PRKG1: variants seen among roughly 807,000 people sequenced by gnomAD.
The protein encoded by PRKG1 is cGMP-dependent protein kinase 1.
Under a neutral mutation model 88.1 loss-of-function variants are expected in PRKG1, and 35 were observed. The observed-to-expected ratio is 0.40, with a 90% CI of 0.30 to 0.53. PRKG1 has a LOEUF of 0.53. Among genes scored for constraint, PRKG1 ranks in the 20% least tolerant of loss-of-function variants. The probability of loss-of-function intolerance (pLI) is 0.59; values close to 1 mark genes in which losing one functional copy is unlikely to be tolerated. For missense variants in PRKG1, 540 were observed against 839.8 expected, an observed-to-expected ratio of 0.64 and a Z score of 4.41; for synonymous variants, 303 against 292.5, an observed-to-expected ratio of 1.04 and a Z score of -0.37.
At position 51,373,457 on chromosome 10, in the gene PRKG1, C is replaced by T. The variant is rs964412357; in HGVS notation, c.479-94266C>T. Among the ~76,000 whole-genome samples, 4 of 152,092 alleles carry T rather than the reference C, an allele frequency of 2.6e-5. No homozygotes were observed. The South Asian group carries it at 8.3e-4, about 32-fold the overall frequency. On this transcript the variant is annotated intron_variant, in intron 2 of 17. Coordinates refer to ENST00000373980, the MANE Select transcript of PRKG1 (RefSeq NM_006258.4). ...CTTTTTTAAAAAATAAAATTAGTTC[C>T]AGGGTACATGTGCGGGATGTGCAGG...
intron 2 of PRKG1, among the ~76,000 whole-genome samples, chr10:51,210,224 A>G (rs913464517): frequency 1.3e-5 from 2 of 152,226 alleles, no homozygotes; most frequent in Admixed American, 6.5e-5. Context: ...TACCGGGTAC[A>G]TAACGAAATG....
chr10:51,109,840 T>C (rs1395528158), intron 1 of PRKG1, among the ~76,000 whole-genome samples: 1 of 152,062 alleles, frequency 6.6e-6, no homozygotes, highest in East Asian at 1.9e-4. Flanking sequence ...GGAAATAAAG[T>C]ATCTGATGAA....
chr10:52,166,839 G>GTATATATATGTATATATATGTA (rs1589666380), intron 9 of PRKG1, among the ~76,000 whole-genome samples: 4 of 90,484 alleles, frequency 4.4e-5, no homozygotes, highest in African/African-American at 1.9e-4. Context: ...GTATATATAT[G>GTATATATATGTATATATATGTA]TATATATATG....
intron 2 of PRKG1, among the ~76,000 whole-genome samples, chr10:51,203,460 G>C (rs1837964332): frequency 6.6e-6 from 1 of 152,092 alleles, no homozygotes; most frequent in East Asian, 1.9e-4. Context: ...GACAGTTTGA[G>C]ACCCATTCAG....
At chr10:51,300,566 A>G (rs1840856808) in intron 2 of PRKG1, among the ~76,000 whole-genome samples, 1 of 152,140 alleles carries the variant, frequency 6.6e-6, no homozygotes, top group African/African-American at 2.4e-5. Context: ...TTTACTCTTG[A>G]GTGTGGTTTA....
chr10:52,220,666 G>A (rs1840220803), intron 9 of PRKG1, among the ~76,000 whole-genome samples: 1 of 152,074 alleles, frequency 6.6e-6, no homozygotes, highest in Admixed American at 6.6e-5. Context: ...AGAACATGCA[G>A]TATTTGGCTT....
At chr10:52,203,447 T>G (rs1478290739) in intron 9 of PRKG1, among the ~76,000 whole-genome samples, 1 of 152,216 alleles carries the variant, frequency 6.6e-6, no homozygotes, top group East Asian at 1.9e-4. Context: ...TGTAGTCAAT[T>G]TTAGAGTATG....
chr10:52,020,530 T>G (rs566279385), intron 5 of PRKG1, among the ~76,000 whole-genome samples: 28 of 152,104 alleles, frequency 1.8e-4, no homozygotes, highest in African/African-American at 6.3e-4. Flanking sequence ...TTTAAAAGGC[T>G]TTAGAACAGG....
chr10:51,582,299 T>A (rs1838060553), intron 3 of PRKG1, among the ~76,000 whole-genome samples: 1 of 152,032 alleles, frequency 6.6e-6, no homozygotes, highest in Non-Finnish European at 1.5e-5. Flanking sequence ...GCAGTGAGAG[T>A]AGCTGCTTTT....
chr10:51,068,355 T>C (rs16913371), intron 1 of PRKG1: 42,866 of 151,854 alleles, frequency 0.28, 7,401 homozygotes, highest in East Asian at 0.43. Context: ...ATCACTGACA[T>C]TCTCACAATG....
At chr10:52,011,284 C>T (rs1021697789) in intron 5 of PRKG1, among the ~76,000 whole-genome samples, 2 of 152,112 alleles carry the variant, frequency 1.3e-5, no homozygotes, top group Non-Finnish European at 2.9e-5. Flanking sequence ...CTGCATAGAT[C>T]AGCTGGTATT....
intron 4 of PRKG1, among the ~76,000 whole-genome samples, chr10:51,851,467 C>T (rs932636195): frequency 6.6e-6 from 1 of 152,176 alleles, no homozygotes; most frequent in African/African-American, 2.4e-5. Context: ...AAACCATCAA[C>T]AGTGTTGAGA....
upstream of PRKG1, among the ~76,000 whole-genome samples, chr10:51,070,151 C>A (rs1219493049): frequency 2.0e-5 from 3 of 152,072 alleles, no homozygotes; most frequent in Non-Finnish European, 2.9e-5. Context: ...GGGGCCTCAG[C>A]TCTACATCAC....
chr10:52,087,726 C>G (rs1453211253), intron 7 of PRKG1, among the ~76,000 whole-genome samples: 1 of 152,144 alleles, frequency 6.6e-6, no homozygotes, highest in Non-Finnish European at 1.5e-5. Flanking sequence ...CATCTGGCAA[C>G]CAAGAACAGA....
At chr10:51,884,395 A>T in intron 4 of PRKG1, among the ~76,000 whole-genome samples, 1 of 127,290 alleles carries the variant, frequency 7.9e-6, no homozygotes, top group African/African-American at 2.9e-5. Flanking sequence ...CAGTGAGTCG[A>T]GATCGCGCCA....
chr10:51,111,991 TGTA>T (rs1680105366), intron 1 of PRKG1, among the ~76,000 whole-genome samples: 1 of 152,160 alleles, frequency 6.6e-6, no homozygotes. Context: ...TCTGAATTGT[TGTA>T]GTTTTCTTTA....
chr10:51,985,732 T>C (rs1844138731), intron 5 of PRKG1, among the ~76,000 whole-genome samples: 1 of 152,192 alleles, frequency 6.6e-6, no homozygotes, highest in Admixed American at 6.5e-5. Context: ...ATTGGTAATA[T>C]AAAGGCTACC....
At chr10:51,293,988 T>G (rs1042478199) in intron 2 of PRKG1, among the ~76,000 whole-genome samples, 2 of 152,212 alleles carry the variant, frequency 1.3e-5, no homozygotes, top group African/African-American at 2.4e-5. Context: ...TTGAGCATTT[T>G]TTCATATGGC....
intron 2 of PRKG1, among the ~76,000 whole-genome samples, chr10:51,191,413 G>C (rs548217034): frequency 6.6e-6 from 1 of 151,840 alleles, no homozygotes; most frequent in African/African-American, 2.4e-5. Flanking sequence ...TTGTAGGTTT[G>C]TGGTGAAGAA....
Sources: allele counts gnomAD v4.1 joint callset (sites outside exome capture counted in the v4.1 genomes callset), GRCh38; gene constraint gnomAD v4.1.1; transcripts MANE v1.5; gene names NCBI Gene and HGNC (gene_info 2026-07-23, HGNC 2026-07-21).